The following ATP11C variants were observed in gnomAD, a reference collection of about 807,000 sequenced individuals.
ATP11C encodes the protein ATPase phospholipid transporting 11C (ATP11C blood group).
ATP11C carries 36 observed loss-of-function variants against 97.4 expected under a neutral mutation model. The observed-to-expected ratio is 0.37, with a 90% CI of 0.28 to 0.49. The LOEUF (loss-of-function observed/expected upper bound fraction) is 0.49. Ranked by LOEUF, ATP11C falls within the 20% of genes least tolerant of loss-of-function variation. ATP11C has a pLI of 0.98. For synonymous variants in ATP11C, 275 were observed against 290.9 expected (o/e 0.95, Z 0.56); for missense variants, 730 against 824.6 (o/e 0.89, Z 1.40).
chrX:139,782,774 A>AG, intron 17 of ATP11C, 46 bp from the exon 18 acceptor site: 1 of 451,523 alleles, frequency 2.2e-6, no homozygotes, highest in Non-Finnish European at 3.1e-6. Context: ...TAATAGTTGG[A>AG]AAAAAAAAAA....
chrX:139,769,853 A>G (rs1470154775), intron 19 of ATP11C, among the ~76,000 whole-genome samples: 1 of 111,364 alleles, frequency 9.0e-6, no homozygotes, highest in Non-Finnish European at 1.9e-5. Flanking sequence ...GTGATGTGAG[A>G]TTTTGCATTT....
rs964001338 is a variant in ATP11C, at chrX:139,880,073, GA to G, written c.27+51942del. Reference sequence around the variant, plus strand: ...TACAATAAAAAAGCTAAAAAGGAAAGAAAAAAAAAACACCTTCTTTTGCCAC... The same window carrying G: ...TACAATAAAAAAGCTAAAAAGGAAAGAAAAAAAAACACCTTCTTTTGCCAC... On this transcript the variant is annotated intron_variant, in intron 1 of 29. Transcript: ENST00000682941. Among the ~76,000 whole-genome samples the G allele has an allele frequency of 4.1e-3, 424 of 104,061 alleles. 2 individuals carry two copies. Among genetic ancestry groups the G allele is most frequent in the African/African-American group, 0.013 (388 of 28,783 alleles). 90.4% of individuals were successfully genotyped at this position (104,061 alleles called of 115,157 possible).
intron 1 of ATP11C, among the ~76,000 whole-genome samples, chrX:139,872,121 T>C (rs911611118): frequency 9.0e-6 from 1 of 111,530 alleles, no homozygotes; most frequent in Non-Finnish European, 1.9e-5. Flanking sequence ...TAATGCTTTG[T>C]GTAAACAGCT....
intron 1 of ATP11C, among the ~76,000 whole-genome samples, chrX:139,829,723 C>A (rs944838814): frequency 1.8e-5 from 2 of 110,946 alleles, no homozygotes; most frequent in Non-Finnish European, 3.8e-5. Context: ...TAAAGTATGG[C>A]AAATATTAAA....
chrX:139,918,020 T>C (rs1200054303), intron 1 of ATP11C, among the ~76,000 whole-genome samples: 2 of 96,545 alleles, frequency 2.1e-5, no homozygotes, highest in East Asian at 3.2e-4. Context: ...TGTTGGTGAG[T>C]ATATGGAGAA....
At chrX:139,846,459 T>TA (rs1426469375) in intron 1 of ATP11C, among the ~76,000 whole-genome samples, 1 of 112,015 alleles carries the variant, frequency 8.9e-6, no homozygotes, top group Admixed American at 9.5e-5. Flanking sequence ...TCCATAGCAT[T>TA]AAGTATGCAA....
At chrX:139,876,799 T>C (rs985385370) in intron 1 of ATP11C, among the ~76,000 whole-genome samples, 1 of 111,817 alleles carries the variant, frequency 8.9e-6, no homozygotes, top group Non-Finnish European at 1.9e-5. Flanking sequence ...GCAGCTAAGT[T>C]TTACACAACC....
rs1455511080 is a variant in ATP11C at position 139,915,489 on chromosome X, G to C, written c.27+16527C>G. On this transcript the variant is annotated intron_variant, in intron 1 of 29. Transcript: ENST00000682941. ...GTTTCAGACCAGCCTGGTCAACACA[G>C]TGAAACCCTGACTCTACTAAAAATG... Among the ~76,000 whole-genome samples the C allele has an allele frequency of 2.7e-5, 3 of 110,242 alleles. No individual in the cohort carries two copies. The East Asian group carries it at 8.5e-4, about 31-fold the overall frequency.
intron 1 of ATP11C, among the ~76,000 whole-genome samples, chrX:139,926,333 A>G (rs2085351324): frequency 9.0e-6 from 1 of 111,540 alleles, no homozygotes; most frequent in East Asian, 2.8e-4. Flanking sequence ...TATCCCATGC[A>G]TTCACCCTCT....
At chrX:139,875,526 G>C (rs533428722) in intron 1 of ATP11C, among the ~76,000 whole-genome samples, 9 of 110,636 alleles carry the variant, frequency 8.1e-5, no homozygotes, top group African/African-American at 3.0e-4. Context: ...GAGCCCAGAA[G>C]GTTGAGGCTT....
chrX:139,770,848 G>A (rs1165553498), intron 19 of ATP11C, among the ~76,000 whole-genome samples: 1 of 111,967 alleles, frequency 8.9e-6, no homozygotes, highest in Non-Finnish European at 1.9e-5. Context: ...GCTATAGACT[G>A]AATTGTGTTC....
At chrX:139,758,672 A>G (rs1281023767) in intron 22 of ATP11C, among the ~76,000 whole-genome samples, 2 of 112,416 alleles carry the variant, frequency 1.8e-5, no homozygotes, top group South Asian at 3.7e-4. Context: ...CAAAACTACC[A>G]GCACGAGAAT....
chrX:139,809,406 A>C (rs1313505174), intron 5 of ATP11C, among the ~76,000 whole-genome samples: 1 of 112,470 alleles, frequency 8.9e-6, no homozygotes, highest in Admixed American at 9.4e-5. Context: ...TAAGTGAAAG[A>C]AGCCAGACAT....
chrX:139,820,319 T>C (rs1231647540), intron 2 of ATP11C, among the ~76,000 whole-genome samples: 1 of 111,045 alleles, frequency 9.0e-6, no homozygotes, highest in Non-Finnish European at 1.9e-5. Flanking sequence ...GAGAATCGCT[T>C]GAACCCAGGA....
chrX:139,837,083 A>G (rs938996147), intron 1 of ATP11C, among the ~76,000 whole-genome samples: 3 of 111,704 alleles, frequency 2.7e-5, no homozygotes, highest in Admixed American at 1.9e-4. Context: ...GAGTGGATAC[A>G]TTCAAAACGC....
chrX:139,925,922 G>T (rs950350867), intron 1 of ATP11C, among the ~76,000 whole-genome samples: 4 of 111,565 alleles, frequency 3.6e-5, no homozygotes, highest in African/African-American at 1.3e-4. Context: ...CAAGAAGTCA[G>T]CCGACCCAGT....
intron 23 of ATP11C, among the ~76,000 whole-genome samples, chrX:139,756,875 T>C (rs1171871318): frequency 9.3e-6 from 1 of 107,509 alleles, no homozygotes; most frequent in Non-Finnish European, 1.9e-5. Context: ...GGTACTATAC[T>C]TTTTACCTGG....
chrX:139,931,983 C>A, intron 1 of ATP11C, 33 bp downstream of exon 1: 1 of 1,151,614 alleles, frequency 8.7e-7, no homozygotes, highest in East Asian at 3.3e-5. Flanking sequence ...GCAAGCAAAC[C>A]GGCACGCGCG....
intron 12 of ATP11C, among the ~76,000 whole-genome samples, chrX:139,792,574 C>G (rs979406409): frequency 9.0e-6 from 1 of 111,291 alleles, no homozygotes; most frequent in Non-Finnish European, 1.9e-5. Flanking sequence ...GATACACTAT[C>G]TCCAGGTAGG....
Sources: allele counts gnomAD v4.1 joint callset (sites outside exome capture counted in the v4.1 genomes callset), GRCh38; gene constraint gnomAD v4.1.1; transcripts MANE v1.5; gene names NCBI Gene and HGNC (gene_info 2026-07-23, HGNC 2026-07-21).